Variants in PTPRD observed in about 807,000 individuals in gnomAD.
PTPRD encodes the protein protein tyrosine phosphatase receptor type D.
Under a neutral mutation model 214.5 loss-of-function variants are expected in PTPRD, and 34 were observed. That is an observed-to-expected ratio of 0.16 (90% confidence interval 0.12 to 0.21). The LOEUF (loss-of-function observed/expected upper bound fraction) is 0.21, where lower values mean the gene tolerates loss of function less well. PTPRD is among the 10% of genes least tolerant of loss of function. The probability of loss-of-function intolerance (pLI) is 1.00; values close to 1 mark genes in which losing one functional copy is unlikely to be tolerated. For synonymous variants in PTPRD, 1,128 were observed against 845.7 expected, an observed-to-expected ratio of 1.33 and a Z score of -5.79; for missense variants, 2,545 against 2,398.7, an observed-to-expected ratio of 1.06 and a Z score of -1.27.
chr9:10,134,557 G>T (rs965909575), intron 3 of PTPRD, among the ~76,000 whole-genome samples: 2 of 151,960 alleles, frequency 1.3e-5, no homozygotes, highest in Non-Finnish European at 2.9e-5. Context: ...TTTCCAGCAC[G>T]CTTCATCTGT....
rs867543045 is a variant in PTPRD, at chr9:8,321,030, T to G, written c.5535-1064A>C. 1.7e-4 allele frequency among the ~76,000 whole-genome samples: 26 copies of G among 152,176 alleles called. No homozygotes were observed. In the South Asian group the frequency reaches 2.1e-3, roughly 12 times the overall value. ...TGTGTCCCTTTATAAATGGGGTTTC[T>G]ACAGTCTAAACAGAAATGTTAAGTG... On this transcript the variant is annotated intron_variant, in intron 44 of 45. Coordinates refer to ENST00000381196, the MANE Select transcript of PTPRD (RefSeq NM_002839.4).
Position 8,744,166 on chromosome 9 carries a change from G to A in PTPRD, c.-103-10220C>T, listed in dbSNP as rs561655933. Among the ~76,000 whole-genome samples, 22 of 144,640 alleles carry A rather than the reference G, an allele frequency of 1.5e-4. No individual in the cohort carries two copies. In the East Asian group the frequency reaches 4.4e-3, roughly 29 times the overall value. The allele number at this position is 144,640 out of a possible 152,430, so 94.9% of individuals were successfully genotyped here. ...TTAAAAAATAGATGTTGGTGTAGAT[G>A]TGGTGAAAAGGGAACACTTCTACAC... On this transcript the variant is annotated intron_variant, in intron 11 of 45. Coordinates refer to ENST00000381196, the MANE Select transcript of PTPRD (RefSeq NM_002839.4).
chr9:9,778,652 G>A (rs1181940076), intron 5 of PTPRD, among the ~76,000 whole-genome samples: 1 of 152,098 alleles, frequency 6.6e-6, no homozygotes, highest in Middle Eastern at 3.2e-3. Flanking sequence ...TGCAGGAACA[G>A]GTACACAGTG....
intron 9 of PTPRD, among the ~76,000 whole-genome samples, chr9:9,342,804 G>C (rs900691805): frequency 2.6e-5 from 4 of 151,830 alleles, no homozygotes; most frequent in Admixed American, 1.3e-4. Flanking sequence ...GTGGTTTGCT[G>C]CACCCATCAA....
At chr9:10,441,724 A>G (rs1226833389) in intron 2 of PTPRD, among the ~76,000 whole-genome samples, 1 of 151,714 alleles carries the variant, frequency 6.6e-6, no homozygotes, top group African/African-American at 2.4e-5. Flanking sequence ...TATCTGGCAC[A>G]TACAGCAGGT....
chr9:8,873,179 A>G (rs930245), intron 11 of PTPRD, among the ~76,000 whole-genome samples: 43,309 of 152,022 alleles, frequency 0.28, 6,670 homozygotes, highest in Non-Finnish European at 0.34. Context: ...TTCATCTTAC[A>G]TCTTGCACAG....
At chr9:8,554,069 T>C (rs2082949802) in intron 14 of PTPRD, among the ~76,000 whole-genome samples, 2 of 152,024 alleles carry the variant, frequency 1.3e-5, no homozygotes, top group African/African-American at 2.4e-5. Context: ...ACGCCTGTAA[T>C]CCCAGCTACT....
At chr9:10,464,482 G>A (rs1195226022) in intron 2 of PTPRD, among the ~76,000 whole-genome samples, 1 of 131,700 alleles carries the variant, frequency 7.6e-6, no homozygotes, top group African/African-American at 2.5e-5. Context: ...AAGGGAGAAA[G>A]ACAGGAAGAT....
chr9:8,672,792 A>C (rs940388897), intron 12 of PTPRD, among the ~76,000 whole-genome samples: 1 of 143,122 alleles, frequency 7.0e-6, no homozygotes, highest in Non-Finnish European at 1.5e-5. Flanking sequence ...CCTAGTTAGC[A>C]AGGAACATGT....
chr9:9,753,837 C>T (rs184803628), intron 6 of PTPRD, among the ~76,000 whole-genome samples: 13 of 152,068 alleles, frequency 8.5e-5, no homozygotes, highest in Admixed American at 8.5e-4. Context: ...TTTGTCTTCC[C>T]TTTTTCATGC....
chr9:9,144,150 A>G (rs2154483016), intron 10 of PTPRD, among the ~76,000 whole-genome samples: 1 of 152,330 alleles, frequency 6.6e-6, no homozygotes, highest in East Asian at 1.9e-4. Flanking sequence ...AATAAAGTGA[A>G]GTATTGGGAA....
intron 9 of PTPRD, among the ~76,000 whole-genome samples, chr9:9,213,558 G>A (rs916793696): frequency 2.0e-5 from 3 of 151,958 alleles, no homozygotes; most frequent in Admixed American, 2.0e-4. Context: ...GGCAACCATT[G>A]GTTAGGTCTG....
At chr9:8,475,422 A>G (rs1353541317) in intron 30 of PTPRD, among the ~76,000 whole-genome samples, 1 of 151,772 alleles carries the variant, frequency 6.6e-6, no homozygotes, top group East Asian at 1.9e-4. Context: ...CAATGGTGAC[A>G]CTCCTCAAGG....
intron 4 of PTPRD, among the ~76,000 whole-genome samples, chr9:10,015,743 T>C (rs761519393): frequency 6.6e-6 from 1 of 152,160 alleles, no homozygotes; most frequent in Non-Finnish European, 1.5e-5. Flanking sequence ...GGAACCACAA[T>C]AGCAGCCAGC....
intron 21 of PTPRD, among the ~76,000 whole-genome samples, chr9:8,512,093 T>G (rs1469540608): frequency 6.6e-6 from 1 of 152,190 alleles, no homozygotes; most frequent in South Asian, 2.1e-4. Flanking sequence ...TGACCAAAGA[T>G]ACTAGAAAAC....
chr9:9,824,436 C>A (rs866963164), intron 5 of PTPRD, among the ~76,000 whole-genome samples: 11 of 152,128 alleles, frequency 7.2e-5, no homozygotes, highest in Admixed American at 5.9e-4. Flanking sequence ...ATTCATACTA[C>A]AATTTGCTTA....
intron 11 of PTPRD, among the ~76,000 whole-genome samples, chr9:8,748,729 T>C (rs1046199975): frequency 1.3e-5 from 2 of 151,854 alleles, no homozygotes; most frequent in African/African-American, 2.4e-5. Context: ...CTGACCAACA[T>C]GGAGAAATCC....
intron 27 of PTPRD, among the ~76,000 whole-genome samples, chr9:8,489,004 G>A (rs549820723): frequency 4.6e-5 from 7 of 152,248 alleles, no homozygotes; most frequent in East Asian, 1.9e-4. Flanking sequence ...TCCTGTTTCC[G>A]TGAGATGCAC....
intron 3 of PTPRD, among the ~76,000 whole-genome samples, chr9:10,168,692 T>C (rs1002574018): frequency 6.6e-6 from 1 of 152,216 alleles, no homozygotes; most frequent in East Asian, 1.9e-4. Flanking sequence ...AGAAAATAGA[T>C]CTGTCACTCA....
Sources: gnomAD v4.1 joint callset for allele counts (sites outside exome capture counted in the v4.1 genomes callset) on GRCh38, gnomAD v4.1.1 for gene constraint, MANE v1.5 for transcripts, NCBI Gene and HGNC (gene_info 2026-07-23, HGNC 2026-07-21) for gene names.